RERE: variants seen among roughly 807,000 people sequenced by gnomAD.
The protein encoded by RERE is arginine-glutamic acid dipeptide repeats, also known as arginine-glutamic acid dipeptide repeats protein.
A neutral mutation model predicts 146.1 loss-of-function variants in RERE; 40 were observed. That is an observed-to-expected ratio of 0.27 (90% confidence interval 0.21 to 0.36). RERE has a LOEUF of 0.36. Ranked by LOEUF, RERE falls within the 10% of genes least tolerant of loss-of-function variation. The pLI is 1.00. For missense variants in RERE, 1,933 were observed against 2,138.7 expected, an observed-to-expected ratio of 0.90 and a Z score of 1.90; for synonymous variants, 1,003 against 866.0, an observed-to-expected ratio of 1.16 and a Z score of -2.78.
intron 12 of RERE, among the ~76,000 whole-genome samples, chr1:8,371,451 A>T (rs894321600): frequency 2.6e-5 from 4 of 152,196 alleles, no homozygotes; most frequent in African/African-American, 9.6e-5. Context: ...GAGAGGGAAG[A>T]AGTAGTAAGC....
intron 8 of RERE, 49 bp from the exon 9 acceptor site, chr1:8,497,578 A>G: frequency 6.2e-7 from 1 of 1,604,234 alleles, no homozygotes; most frequent in Non-Finnish European, 8.5e-7. Context: ...TATTAATTAT[A>G]AAGAGCTATC....
chr1:8,763,934 C>T (rs566587322), intron 1 of RERE, among the ~76,000 whole-genome samples: 2 of 119,572 alleles, frequency 1.7e-5, no homozygotes, highest in South Asian at 2.8e-4. Context: ...ATCAAGACTC[C>T]GTCTAAAAAA....
chr1:8,650,376 TGAG>T (rs1288373795), intron 2 of RERE, among the ~76,000 whole-genome samples: 5 of 152,216 alleles, frequency 3.3e-5, no homozygotes, highest in Non-Finnish European at 5.9e-5. Context: ...ATACTTATTC[TGAG>T]TAGTAAAACC....
chr1:8,519,467 G>A (rs1157134258), intron 7 of RERE, among the ~76,000 whole-genome samples: 3 of 152,010 alleles, frequency 2.0e-5, no homozygotes, highest in Admixed American at 6.6e-5. Flanking sequence ...CAGTACCCAG[G>A]TTTTGTTTGC....
intron 1 of RERE, among the ~76,000 whole-genome samples, chr1:8,759,521 G>T (rs745459900): frequency 3.3e-5 from 5 of 152,154 alleles, no homozygotes; most frequent in African/African-American, 1.2e-4. Context: ...CAAAGTAGAC[G>T]CTTCCCAAAA....
intron 1 of RERE, among the ~76,000 whole-genome samples, chr1:8,797,778 G>A (rs1641506312): frequency 6.6e-6 from 1 of 152,168 alleles, no homozygotes; most frequent in African/African-American, 2.4e-5. Flanking sequence ...CTCCATTTCA[G>A]AATCCAAGTA....
intron 11 of RERE, among the ~76,000 whole-genome samples, chr1:8,443,851 C>T (rs1010326318): frequency 1.3e-5 from 2 of 152,156 alleles, no homozygotes; most frequent in Non-Finnish European, 2.9e-5. Context: ...TGCAGGTGTA[C>T]AGAGTGCAAG....
At chr1:8,555,765 G>GA (rs1489621632) in intron 6 of RERE, among the ~76,000 whole-genome samples, 1 of 152,098 alleles carries the variant, frequency 6.6e-6, no homozygotes, top group Non-Finnish European at 1.5e-5. Flanking sequence ...GAAAGAGACA[G>GA]AAAATACCCA....
chr1:8,364,628 T>C lies in RERE; in HGVS notation c.1540+118A>G, dbSNP rs900083340. 3.5e-5 allele frequency: 26 copies of C among 747,250 alleles called. No individual in the cohort carries two copies. The highest frequency in any genetic ancestry group is 5.9e-5 in the Non-Finnish European group (25 of 425,224). The allele number at this position is 747,250 out of a possible 1,614,324, so 46.3% of individuals were successfully genotyped here. A position where few individuals can be genotyped will look rare whatever the true frequency, so the allele number is the denominator to read the frequency against. On this transcript the variant is annotated intron_variant, in intron 14 of 22. Transcript: ENST00000400908. This position sits in a 1 kb window ranked among gnomAD's most constrained non-coding sequence, Gnocchi z 5.1. ...AACTTTCTCGAATCCCGAAGCACAA[T>C]GCAAATGTCAAATCAAGTACTGTCC...
chr1:8,403,091 G>GT (rs1375463515), intron 12 of RERE, among the ~76,000 whole-genome samples: 2 of 152,160 alleles, frequency 1.3e-5, no homozygotes, highest in Non-Finnish European at 2.9e-5. Context: ...TAGAGACGGG[G>GT]TTTCACCATG....
At chr1:8,393,670 A>G (rs927654661) in intron 12 of RERE, among the ~76,000 whole-genome samples, 2 of 152,192 alleles carry the variant, frequency 1.3e-5, no homozygotes, top group Admixed American at 1.3e-4. Context: ...TATTATTTGA[A>G]AAGCATAGGT....
rs549317440 is a variant in RERE at position 8,516,061 on chromosome 1, A to G, written c.831-7386T>C. Among the ~76,000 whole-genome samples the G allele has an allele frequency of 9.2e-5, 14 of 151,662 alleles. No individual in the cohort carries two copies. The East Asian group carries it at 2.3e-3, about 25-fold the overall frequency. ...GAGAAGCCCCACCCCTAAAAATACA[A>G]AATTAGCCAAGCGTGGTAGTGGGTG... On this transcript the variant is annotated intron_variant, in intron 7 of 22. Coordinates refer to ENST00000400908, the MANE Select transcript of RERE (RefSeq NM_001042681.2).
intron 6 of RERE, 115 bp downstream of exon 6, chr1:8,556,360 C>T (rs1646006645): frequency 4.6e-6 from 3 of 649,382 alleles, no homozygotes; most frequent in Non-Finnish European, 5.5e-6. Flanking sequence ...TCACTGAGGC[C>T]AAAAGAGGAG....
At chr1:8,659,723 C>A (rs74554288) in intron 1 of RERE, among the ~76,000 whole-genome samples, 23 of 152,290 alleles carry the variant, frequency 1.5e-4, no homozygotes, top group Non-Finnish European at 2.8e-4. Context: ...CTTCTGATAA[C>A]TTTAAGAAAA....
chr1:8,716,851 A>G (rs1033167793), intron 1 of RERE, among the ~76,000 whole-genome samples: 1 of 152,166 alleles, frequency 6.6e-6, no homozygotes, highest in East Asian at 1.9e-4. Context: ...AGAAGCAATC[A>G]ATCTTTTTAA....
At chr1:8,594,242 A>G (rs1646529083) in intron 4 of RERE, among the ~76,000 whole-genome samples, 1 of 152,196 alleles carries the variant, frequency 6.6e-6, no homozygotes, top group African/African-American at 2.4e-5. Flanking sequence ...GCAAGTATAG[A>G]CCCGCAAACA....
chr1:8,588,608 C>T (rs1230905249), intron 4 of RERE, among the ~76,000 whole-genome samples: 5 of 152,176 alleles, frequency 3.3e-5, no homozygotes, highest in African/African-American at 1.2e-4. Flanking sequence ...CAAATTCTGT[C>T]AGTAACTTGA....
intron 4 of RERE, among the ~76,000 whole-genome samples, chr1:8,609,073 C>A (rs1459371086): frequency 6.6e-6 from 1 of 152,088 alleles, no homozygotes; most frequent in Non-Finnish European, 1.5e-5. Flanking sequence ...CAAAAATTAG[C>A]CAGGTGTGGT....
At chr1:8,431,017 C>T (rs888333956) in intron 11 of RERE, among the ~76,000 whole-genome samples, 4 of 152,204 alleles carry the variant, frequency 2.6e-5, no homozygotes, top group East Asian at 3.9e-4. Context: ...GTAGGCCCCT[C>T]CAGGCATTCC....
Sources: allele counts gnomAD v4.1 joint callset (sites outside exome capture counted in the v4.1 genomes callset), GRCh38; gene constraint gnomAD v4.1.1; non-coding constraint Gnocchi (gnomAD v3.1); transcripts MANE v1.5; gene names NCBI Gene and HGNC (gene_info 2026-07-23, HGNC 2026-07-21).